Variants in ATL2 observed in about 807,000 individuals in gnomAD.
ATL2 encodes the protein atlastin-2.
ATL2 carries 31 observed loss-of-function variants against 73.9 expected under a neutral mutation model. The ratio of observed to expected loss-of-function variants is 0.42; its 90% CI spans 0.32 to 0.57. The LOEUF is 0.57. Among genes scored for constraint, ATL2 ranks in the 20% least tolerant of loss-of-function variants. ATL2 has a pLI of 0.14. For synonymous variants in ATL2, 291 were observed against 237.5 expected (o/e 1.23, Z -2.07); for missense variants, 738 against 702.6 (o/e 1.05, Z -0.57).
chr2:38,368,994 A>T (rs1014045181), intron 1 of ATL2, among the ~76,000 whole-genome samples: 1 of 152,180 alleles, frequency 6.6e-6, no homozygotes, highest in African/African-American at 2.4e-5. Context: ...ACAATCAAAA[A>T]ATTGCAAATT....
intron 6 of ATL2, among the ~76,000 whole-genome samples, chr2:38,314,026 A>G (rs1215604692): frequency 6.6e-6 from 1 of 152,220 alleles, no homozygotes; most frequent in Non-Finnish European, 1.5e-5. Flanking sequence ...GAATCAATGT[A>G]AACCCATTAA....
intron 2 of ATL2, among the ~76,000 whole-genome samples, chr2:38,333,036 G>A (rs762511808): frequency 5.9e-5 from 9 of 151,796 alleles, no homozygotes; most frequent in African/African-American, 1.9e-4. Context: ...AAAAGAAAAA[G>A]AAAAAGAGAA....
intron 1 of ATL2, among the ~76,000 whole-genome samples, chr2:38,351,049 C>G (rs1670307615): frequency 6.6e-6 from 1 of 152,140 alleles, no homozygotes; most frequent in South Asian, 2.1e-4. Context: ...ATTCACCTTT[C>G]AAAAGGAATG....
At chr2:38,307,012 C>A (rs1381051749) in intron 9 of ATL2, among the ~76,000 whole-genome samples, 1 of 152,100 alleles carries the variant, frequency 6.6e-6, no homozygotes, top group Non-Finnish European at 1.5e-5. Context: ...AAAATCAAAT[C>A]AAAATGGATT....
At position 38,314,114 on chromosome 2, in the gene ATL2, T is replaced by C. The variant is rs531218205; in HGVS notation, c.711+494A>G. On this transcript the variant is annotated intron_variant, in intron 6 of 12. Coordinates refer to ENST00000378954, the MANE Select transcript of ATL2 (RefSeq NM_001135673.4). ...GAGCAAACATGGTAGAGTCATGCTCTCCTACTGTAACTGCAGCTCACCAAA... is the reference window on the plus strand; with the variant it reads ...GAGCAAACATGGTAGAGTCATGCTCCCCTACTGTAACTGCAGCTCACCAAA... Among the ~76,000 whole-genome samples the C allele has an allele frequency of 1.6e-3, 245 of 152,310 alleles. 1 individual carries two copies. The highest frequency in any genetic ancestry group is 5.7e-3 in the African/African-American group (239 of 41,574).
chr2:38,367,396 G>A (rs1457717075), intron 1 of ATL2, among the ~76,000 whole-genome samples: 1 of 151,344 alleles, frequency 6.6e-6, no homozygotes, highest in Non-Finnish European at 1.5e-5. Context: ...GAGGTCAGGA[G>A]ATCGAGAACA....
chr2:38,312,349 G>A (rs1336116634), intron 7 of ATL2, among the ~76,000 whole-genome samples: 2 of 152,236 alleles, frequency 1.3e-5, no homozygotes, highest in East Asian at 1.9e-4. Flanking sequence ...GAGTTATCAC[G>A]AGATCTGGTT....
intron 1 of ATL2, among the ~76,000 whole-genome samples, chr2:38,367,065 C>T (rs1416259390): frequency 6.6e-6 from 1 of 152,038 alleles, no homozygotes; most frequent in East Asian, 1.9e-4. Flanking sequence ...CTCCATCCTG[C>T]AGCCTCAGCC....
chr2:38,356,568 A>C (rs939661773), intron 1 of ATL2, among the ~76,000 whole-genome samples: 4 of 152,178 alleles, frequency 2.6e-5, no homozygotes, highest in African/African-American at 9.7e-5. Context: ...TTAGACACTA[A>C]ATGCTTATCA....
At chr2:38,338,871 TG>T (rs1669529488) in intron 2 of ATL2, among the ~76,000 whole-genome samples, 1 of 152,140 alleles carries the variant, frequency 6.6e-6, no homozygotes, top group African/African-American at 2.4e-5. Context: ...ATGACAGAAA[TG>T]TAAGACAAAC....
chr2:38,360,437 T>C lies in ATL2; in HGVS notation c.118+16706A>G, dbSNP rs114033042. Among the ~76,000 whole-genome samples, 1,137 of 152,008 alleles carry C rather than the reference T, an allele frequency of 7.5e-3. 19 individuals carry two copies. Among genetic ancestry groups the C allele is most frequent in the African/African-American group, 0.026 (1,062 of 41,444 alleles). ...AGTAGCTGGGACCACAGGCATGCAC[T>C]ACCACAGTCAACTAATTTAGTTTTT... On this transcript the variant is annotated intron_variant, in intron 1 of 12. Coordinates refer to ENST00000378954, the MANE Select transcript of ATL2 (RefSeq NM_001135673.4).
At chr2:38,349,962 C>A (rs944125781) in intron 1 of ATL2, among the ~76,000 whole-genome samples, 60 of 152,198 alleles carry the variant, frequency 3.9e-4, no homozygotes, top group Non-Finnish European at 5.4e-4. Context: ...GATTTCTCTA[C>A]CAAATATGGA....
intron 1 of ATL2, among the ~76,000 whole-genome samples, chr2:38,361,071 C>G (rs1027990043): frequency 6.6e-6 from 1 of 151,960 alleles, no homozygotes; most frequent in Non-Finnish European, 1.5e-5. Flanking sequence ...TTAAATCAAG[C>G]AGCCAGGCGC....
At chr2:38,331,484 C>T (rs1438462667) in intron 2 of ATL2, among the ~76,000 whole-genome samples, 2 of 148,734 alleles carry the variant, frequency 1.3e-5, no homozygotes, top group Admixed American at 6.7e-5. Context: ...GCAGCGCATG[C>T]CTGTAGTCCC....
intron 1 of ATL2, among the ~76,000 whole-genome samples, chr2:38,362,631 G>A (rs771372322): frequency 6.6e-6 from 1 of 152,210 alleles, no homozygotes; most frequent in Non-Finnish European, 1.5e-5. Context: ...AACTGGAGGT[G>A]CATAAATCTT....
At chr2:38,362,777 A>C (rs1341626136) in intron 1 of ATL2, among the ~76,000 whole-genome samples, 1 of 152,194 alleles carries the variant, frequency 6.6e-6, no homozygotes, top group Non-Finnish European at 1.5e-5. Context: ...AATAGAAAAC[A>C]TATGTGTGAT....
At chr2:38,310,871 C>A (rs1450407668) in intron 7 of ATL2, among the ~76,000 whole-genome samples, 1 of 152,020 alleles carries the variant, frequency 6.6e-6, no homozygotes, top group Non-Finnish European at 1.5e-5. Flanking sequence ...AGGTAATCCA[C>A]CCGCCTCGGC....
At chr2:38,348,833 A>G (rs1670175012) in intron 1 of ATL2, among the ~76,000 whole-genome samples, 1 of 152,146 alleles carries the variant, frequency 6.6e-6, no homozygotes. Context: ...CAAGAAAAAA[A>G]CAAACAACCC....
Position 38,298,292 on chromosome 2 carries a change from A to G in ATL2, c.1484T>C (p.Ile495Thr). 2 of 1,614,192 alleles carry G rather than the reference A, an allele frequency of 1.2e-6. No homozygotes were observed. Among genetic ancestry groups the G allele is most frequent in the Non-Finnish European group, 1.7e-6 (2 of 1,180,012 alleles). Reference protein sequence around the residue: ...MYIISGLTGFIGLNSIAVLCN... With the variant: ...MYIISGLTGFTGLNSIAVLCN... ...CAAGACAGCTATAGAGTTTAGGCCA[A>G]TGAAGCCAGTCAGTCCTGAGATTAT... is the stretch of plus-strand genomic sequence containing the variant. Residue 495 changes from isoleucine to threonine, a missense_variant, in exon 12 of 13, where the codon ATT (isoleucine) becomes ACT (threonine). Coordinates refer to ENST00000378954, the MANE Select transcript of ATL2 (RefSeq NM_001135673.4).
Sources: allele counts gnomAD v4.1 joint callset (sites outside exome capture counted in the v4.1 genomes callset), GRCh38; gene constraint gnomAD v4.1.1; transcripts MANE v1.5; gene names NCBI Gene and HGNC (gene_info 2026-07-23, HGNC 2026-07-21).